Variants in COL12A1 observed in about 807,000 individuals in gnomAD.
COL12A1 encodes the protein collagen type XII alpha 1 chain.
COL12A1 carries 114 observed loss-of-function variants against 349.7 expected under a neutral mutation model. The ratio of observed to expected loss-of-function variants is 0.33; its 90% CI spans 0.28 to 0.38. COL12A1 has a LOEUF of 0.38. Ranked by LOEUF, COL12A1 falls within the 10% of genes least tolerant of loss-of-function variation. COL12A1 has a pLI of 1.00. For synonymous variants in COL12A1, 1,369 were observed against 1,329.0 expected, an observed-to-expected ratio of 1.03 and a Z score of -0.66; for missense variants, 3,284 against 3,756.9, an observed-to-expected ratio of 0.87 and a Z score of 3.29.
chr6:75,175,786 T>C (rs1398289309), intron 12 of COL12A1, among the ~76,000 whole-genome samples: 7 of 152,222 alleles, frequency 4.6e-5, no homozygotes, highest in Admixed American at 4.6e-4. Context: ...ATAAACATAT[T>C]GCTTTCCCTA....
intron 31 of COL12A1, 31 bp from the exon 32 acceptor site, chr6:75,134,886 G>A (rs771915603): frequency 6.3e-7 from 1 of 1,594,888 alleles, no homozygotes; most frequent in Non-Finnish European, 8.6e-7. Context: ...GTAAGTGTCA[G>A]CCTTGCTCTC....
At chr6:75,104,927 C>G (rs923508264) in intron 54 of COL12A1, among the ~76,000 whole-genome samples, 3 of 152,142 alleles carry the variant, frequency 2.0e-5, no homozygotes, top group Non-Finnish European at 4.4e-5. Context: ...AGATGGAAAT[C>G]CAGGTTCATA....
At chr6:75,119,238 A>T in intron 45 of COL12A1, 52 bp from the exon 46 acceptor site, 1 of 1,613,012 alleles carries the variant, frequency 6.2e-7, no homozygotes, top group East Asian at 2.2e-5. Context: ...AAAACTACCC[A>T]AATGCCATTA....
At chr6:75,087,836 G>A in intron 64 of COL12A1, 89 bp from the exon 65 acceptor site, 1 of 1,332,758 alleles carries the variant, frequency 7.5e-7, no homozygotes, top group East Asian at 2.4e-5. Flanking sequence ...CACCTCCACT[G>A]TCTCAAAATT....
chr6:75,118,364 G>A (rs1284163714), intron 46 of COL12A1, among the ~76,000 whole-genome samples: 4 of 152,112 alleles, frequency 2.6e-5, no homozygotes, highest in East Asian at 3.9e-4. Context: ...CAGATGACAA[G>A]TTCCATGTAA....
chr6:75,102,760 G>A, intron 55 of COL12A1, 68 bp from the exon 56 acceptor site: 1 of 941,024 alleles, frequency 1.1e-6, no homozygotes. Flanking sequence ...CATTTAGTCA[G>A]ACACTTGTCA....
At chr6:75,109,638 A>G (rs1248177807) in intron 51 of COL12A1, among the ~76,000 whole-genome samples, 1 of 152,116 alleles carries the variant, frequency 6.6e-6, no homozygotes, top group Non-Finnish European at 1.5e-5. Flanking sequence ...TACCATATAG[A>G]TACCTCATAC....
In COL12A1 at chr6:75,155,722, C is replaced by T. The variant is rs373637483; in HGVS notation, c.3383G>A (p.Arg1128Lys). ...KVTFHPTGDD[R>K]RLGELVVGPY... ...TCCAACCACTAACTCCCCCAGTCTT[C>T]TGTCATCCCCCGTAGGGTGGAATGT... The change falls in exon 16 of 66, where the codon AGA becomes AAA. Residue 1128 changes from arginine (R) to lysine (K), a missense_variant. This residue lies in a region of COL12A1 where 2,601 missense variants were observed against 2,824.8 expected (regional missense o/e 0.92). Coordinates refer to ENST00000322507, the MANE Select transcript of COL12A1 (RefSeq NM_004370.6). 1.9e-5 allele frequency: 31 copies of T among 1,612,936 alleles called. No homozygotes were observed. The East Asian group carries it at 6.2e-4, about 32-fold the overall frequency.
intron 12 of COL12A1, 81 bp downstream of exon 12, chr6:75,177,579 GTTT>G: frequency 6.5e-7 from 1 of 1,529,216 alleles, no homozygotes; most frequent in Non-Finnish European, 9.0e-7. Context: ...TGTCTCATTA[GTTT>G]TTTATCTGGA....
intron 58 of COL12A1, among the ~76,000 whole-genome samples, chr6:75,100,911 T>G (rs1024882859): frequency 2.6e-5 from 4 of 152,230 alleles, no homozygotes; most frequent in African/African-American, 9.7e-5. Context: ...TGAGAAACTC[T>G]TAAAATTTCT....
At chr6:75,174,290 G>T (rs1768795052) in intron 13 of COL12A1, among the ~76,000 whole-genome samples, 1 of 152,128 alleles carries the variant, frequency 6.6e-6, no homozygotes, top group African/African-American at 2.4e-5. Flanking sequence ...AGGCGCGGTG[G>T]CTCAGGCCTG....
At chr6:75,113,549 GA>G (rs1322451513) in intron 50 of COL12A1, 52 bp downstream of exon 50, 1 of 1,523,364 alleles carries the variant, frequency 6.6e-7, no homozygotes, top group Non-Finnish European at 8.8e-7. Flanking sequence ...AAAGAGAAAA[GA>G]AAAACATAAT....
intron 2 of COL12A1, among the ~76,000 whole-genome samples, chr6:75,198,264 C>T (rs1453367742): frequency 6.6e-6 from 1 of 152,070 alleles, no homozygotes; most frequent in Non-Finnish European, 1.5e-5. Flanking sequence ...CAGACCTTGG[C>T]AATGACCTTG....
Position 75,151,770 on chromosome 6 carries a change from TA to T in COL12A1, c.4000+96del, listed in dbSNP as rs202044701. ...AAATTATGTGATAGAAAAAAATGGG[TA>T]TTTTTTTTCATGCTTCAGATAAAAC... On this transcript the variant is annotated intron_variant, in intron 20 of 65. Transcript: ENST00000322507. 9.7e-6 allele frequency: 12 copies of T among 1,231,658 alleles called. No homozygotes were observed. The East Asian group carries it at 1.4e-4, about 15-fold the overall frequency. 76.3% of individuals were successfully genotyped at this position (1,231,658 alleles called of 1,614,324 possible). A position where few individuals can be genotyped will look rare whatever the true frequency, so the allele number is the denominator to read the frequency against.
chr6:75,188,595 A>T (rs1769757488), intron 7 of COL12A1, 60 bp from the exon 8 acceptor site: 1 of 1,561,718 alleles, frequency 6.4e-7, no homozygotes, highest in East Asian at 2.2e-5. Flanking sequence ...GACTTGGAGA[A>T]GTTCTTCGTT....
At chr6:75,186,676 A>G (rs1183667356) in intron 8 of COL12A1, among the ~76,000 whole-genome samples, 1 of 152,226 alleles carries the variant, frequency 6.6e-6, no homozygotes, top group Non-Finnish European at 1.5e-5. Flanking sequence ...ACGTATATTC[A>G]CTACAGCACT....
At chr6:75,144,086 C>T (rs150415658) in intron 25 of COL12A1, among the ~76,000 whole-genome samples, 6 of 152,306 alleles carry the variant, frequency 3.9e-5, no homozygotes, top group African/African-American at 1.4e-4. Context: ...AGCTCCACTT[C>T]CACATTTCTG....
At chr6:75,153,192 T>C (rs1767577329) in intron 17 of COL12A1, among the ~76,000 whole-genome samples, 1 of 151,982 alleles carries the variant, frequency 6.6e-6, no homozygotes, top group African/African-American at 2.4e-5. Flanking sequence ...GATGGTGAAG[T>C]TTGCACATTT....
In COL12A1 at chr6:75,121,346, T is replaced by C; in HGVS notation, c.7042A>G (p.Asn2348Asp). 1 of 1,612,362 alleles carries C rather than the reference T, an allele frequency of 6.2e-7. No homozygotes were observed. The highest frequency in any genetic ancestry group is 2.2e-5 in the East Asian group (1 of 44,842). The change falls in exon 44 of 66, where the codon AAT (asparagine) becomes GAT (aspartate). Residue 2348 changes from asparagine to aspartate, a missense_variant. Physicochemically the swap from Asn to Asp is conservative, Grantham distance 23 (BLOSUM62 1). Coordinates refer to ENST00000322507, the MANE Select transcript of COL12A1 (RefSeq NM_004370.6). ...NFNKVVKFIF[N>D]TVGGFDEISP... ...ATTTCATCAAAGCCTCCCACAGTAT[T>C]GAAGATGAATTTTACAACTTTGTTA...
Sources: gnomAD v4.1 joint callset for allele counts (sites outside exome capture counted in the v4.1 genomes callset) on GRCh38, gnomAD v4.1.1 for gene constraint, gnomAD v4.1.1 regional missense constraint, MANE v1.5 for transcripts, NCBI Gene and HGNC (gene_info 2026-07-23, HGNC 2026-07-21) for gene names.